SMIM20: variants seen among roughly 807,000 people sequenced by gnomAD.
SMIM20 encodes small integral membrane protein 20, also known as mitochondrial translation regulation assembly intermediate of cytochrome c oxidase protein of 7 kDa.
SMIM20 carries 3 observed loss-of-function variants against 8.7 expected under a neutral mutation model. The ratio of observed to expected loss-of-function variants is 0.34; its 90% CI spans 0.16 to 0.89. The LOEUF (loss-of-function observed/expected upper bound fraction) is 0.89. SMIM20 is among the 40% of genes least tolerant of loss of function. The pLI is 0.49. For missense variants in SMIM20, 85 were observed against 84.8 expected, an observed-to-expected ratio of 1.00 and a Z score of -0.01; for synonymous variants, 44 against 33.6, an observed-to-expected ratio of 1.31 and a Z score of -1.07.
intron 1 of SMIM20, among the ~76,000 whole-genome samples, chr4:25,923,768 A>G (rs964363377): frequency 1.3e-5 from 2 of 152,226 alleles, no homozygotes; most frequent in Non-Finnish European, 2.9e-5. Context: ...TTGTCAGGGC[A>G]TTTTCCTTGT....
At position 25,917,935 on chromosome 4, in the gene SMIM20, T is replaced by C. The variant is rs1311534568; in HGVS notation, c.109+3513T>C. 8.8e-5 allele frequency among the ~76,000 whole-genome samples: 13 copies of C among 147,404 alleles called. No individual in the cohort carries two copies. The Admixed American group carries it at 8.9e-4, about 10-fold the overall frequency. ...GCTTTGGGGCCTGGTACAGGTCAGTTTTTTTTTTTTGTTTTTTTTTTTTTT... is the reference window on the plus strand; with the variant it reads ...GCTTTGGGGCCTGGTACAGGTCAGTCTTTTTTTTTTGTTTTTTTTTTTTTT... On this transcript the variant is annotated intron_variant, in intron 1 of 2. Coordinates refer to ENST00000506197, the MANE Select transcript of SMIM20 (RefSeq NM_001145432.3).
intron 1 of SMIM20, among the ~76,000 whole-genome samples, chr4:25,922,347 C>T (rs549059132): frequency 6.6e-6 from 1 of 152,288 alleles, no homozygotes; most frequent in South Asian, 2.1e-4. Context: ...GGCAAGGCAC[C>T]TCTTCCACCA....
chr4:25,917,734 C>G (rs1158915617), intron 1 of SMIM20, among the ~76,000 whole-genome samples: 1 of 152,174 alleles, frequency 6.6e-6, no homozygotes, highest in Non-Finnish European at 1.5e-5. Flanking sequence ...CACCTCGCTC[C>G]ACCCATTCCT....
rs761476425 is a variant in SMIM20 at position 25,914,367 on chromosome 4, C to A, written c.54C>A (p.Ile18=). 9.2e-5 allele frequency: 143 copies of A among 1,548,884 alleles called. No individual in the cohort carries two copies. The highest frequency in any genetic ancestry group is 1.2e-4 in the Non-Finnish European group (132 of 1,145,342). The change falls in exon 1 of 3, where the codon ATC becomes ATA. Residue 18 remains isoleucine (I), a synonymous_variant. Coordinates refer to ENST00000506197, the MANE Select transcript of SMIM20 (RefSeq NM_001145432.3). The part of the protein sequence containing the change: ...ALIFGGFISL[I]GAAFYPIYFR... ...TTTTCGGCGGCTTCATCTCCCTGAT[C>A]GGCGCCGCCTTCTATCCCATCTACT... is the stretch of plus-strand genomic sequence containing the variant.
At chr4:25,917,594 CTT>C (rs1719112015) in intron 1 of SMIM20, among the ~76,000 whole-genome samples, 1 of 152,162 alleles carries the variant, frequency 6.6e-6, no homozygotes, top group African/African-American at 2.4e-5. Context: ...TTAGCACTCT[CTT>C]TTTTAGAAGA....
rs1577363213 is a variant in SMIM20 at position 25,929,073 on chromosome 4, TC to T, written c.167-80del. ...TAAATTGCACAGCTCAGTTCTGATG[TC>T]ATTTTGTTTGTTTGGGGTGGAGGAA... is the stretch of plus-strand genomic sequence containing the variant. On this transcript the variant is annotated intron_variant, in intron 2 of 2. Transcript: ENST00000506197. 5 of 1,496,322 alleles carry T rather than the reference TC, an allele frequency of 3.3e-6. No individual in the cohort carries two copies. In the East Asian group the frequency reaches 1.2e-4, roughly 37 times the overall value. 92.7% of individuals were successfully genotyped at this position (1,496,322 alleles called of 1,614,324 possible).
At chr4:25,921,402 G>C (rs1468862138) in intron 1 of SMIM20, among the ~76,000 whole-genome samples, 1 of 152,196 alleles carries the variant, frequency 6.6e-6, no homozygotes, top group African/African-American at 2.4e-5. Flanking sequence ...CTCTACAGGG[G>C]TCTGTGGCTG....
intron 1 of SMIM20, 196 bp from the exon 2 acceptor site, chr4:25,928,117 G>T: frequency 2.4e-6 from 1 of 423,910 alleles, no homozygotes; most frequent in Non-Finnish European, 4.1e-6. Flanking sequence ...TTATTCTTTT[G>T]AAAATACCCA....
intron 1 of SMIM20, among the ~76,000 whole-genome samples, chr4:25,927,418 G>A (rs1441376596): frequency 6.6e-6 from 1 of 152,162 alleles, no homozygotes; most frequent in Admixed American, 6.5e-5. Context: ...GAATCCAGAG[G>A]CCAAAGTAAA....
intron 1 of SMIM20, among the ~76,000 whole-genome samples, chr4:25,921,913 T>C (rs1488541575): frequency 2.0e-5 from 3 of 152,102 alleles, no homozygotes; most frequent in Admixed American, 2.0e-4. Context: ...AAGACAGCTC[T>C]TCATGAAAAG....
chr4:25,916,742 GAC>G (rs1719099801), intron 1 of SMIM20, among the ~76,000 whole-genome samples: 3 of 151,954 alleles, frequency 2.0e-5, no homozygotes, highest in Non-Finnish European at 4.4e-5. Flanking sequence ...TTTTAGTAGA[GAC>G]AGCATTCTGC....
At chr4:25,928,124 C>A in intron 1 of SMIM20, 189 bp from the exon 2 acceptor site, 1 of 430,334 alleles carries the variant, frequency 2.3e-6, no homozygotes. Flanking sequence ...TTTGAAAATA[C>A]CCAATCTCTT....
chr4:25,926,426 G>T (rs891435813), intron 1 of SMIM20, among the ~76,000 whole-genome samples: 5 of 152,222 alleles, frequency 3.3e-5, no homozygotes, highest in Non-Finnish European at 7.3e-5. Context: ...CAGCAAAGTG[G>T]TTTAAATTTC....
At chr4:25,928,155 TC>T in intron 1 of SMIM20, 157 bp from the exon 2 acceptor site, 1 of 597,644 alleles carries the variant, frequency 1.7e-6, no homozygotes, top group Non-Finnish European at 2.7e-6. Context: ...GGATCTAACT[TC>T]CACAACCTAA....
In SMIM20 at chr4:25,920,116, C is replaced by T. The variant is rs115908222; in HGVS notation, c.109+5694C>T. Reference sequence around the variant, plus strand: ...CTGCCATGGTTTTTGAAAAGTTTGTCACGCCATCCAAATTTAATCATCTCA... The same window carrying T: ...CTGCCATGGTTTTTGAAAAGTTTGTTACGCCATCCAAATTTAATCATCTCA... On this transcript the variant is annotated intron_variant, in intron 1 of 2. Transcript: ENST00000506197. 4.0e-3 allele frequency among the ~76,000 whole-genome samples: 614 copies of T among 152,312 alleles called. 5 individuals are homozygous for T. The highest frequency in any genetic ancestry group is 0.014 in the African/African-American group (583 of 41,558).
At chr4:25,917,935 TTTTTTTTTTTG>T (rs1301103049) in intron 1 of SMIM20, among the ~76,000 whole-genome samples, 2 of 147,488 alleles carry the variant, frequency 1.4e-5, no homozygotes, top group African/African-American at 5.1e-5. Flanking sequence ...ACAGGTCAGT[TTTTTTTTTTTG>T]TTTTTTTTTT....
rs1277390996 is a variant in SMIM20, at chr4:25,928,371, TAAACTGAAAAA to T, written c.166+6_166+16del. ...TTCAAGAGGATGTGCAGCCACCAGG[TAAACTGAAAAA>T]AAAAAATCAAAACCAAATCTTATTT... On this transcript the variant is annotated splice_donor_5th_base_variant and intron_variant, in intron 2 of 2. Coordinates refer to ENST00000506197, the MANE Select transcript of SMIM20 (RefSeq NM_001145432.3). 7 of 1,547,284 alleles carry T rather than the reference TAAACTGAAAAA, an allele frequency of 4.5e-6. No individual in the cohort carries two copies. The African/African-American group carries it at 8.3e-5, about 18-fold the overall frequency.
chr4:25,924,960 T>G (rs1053135129), intron 1 of SMIM20, among the ~76,000 whole-genome samples: 3 of 152,216 alleles, frequency 2.0e-5, no homozygotes, highest in African/African-American at 7.2e-5. Context: ...CACAAAATTA[T>G]TAAAAACATT....
At chr4:25,918,958 G>A (rs1044238604) in intron 1 of SMIM20, among the ~76,000 whole-genome samples, 3 of 123,958 alleles carry the variant, frequency 2.4e-5, no homozygotes, top group African/African-American at 9.4e-5. Context: ...ACTGCGGACT[G>A]CAGTGGCGCA....
Sources: gnomAD v4.1 joint callset for allele counts (sites outside exome capture counted in the v4.1 genomes callset) on GRCh38, gnomAD v4.1.1 for gene constraint, MANE v1.5 for transcripts, NCBI Gene and HGNC (gene_info 2026-07-23, HGNC 2026-07-21) for gene names.